XKR6: variants seen among roughly 807,000 people sequenced by gnomAD.
XKR6 encodes XK-related protein 6.
In XKR6, 22 loss-of-function variants were observed where a neutral mutation model predicts 56.7. That is an observed-to-expected ratio of 0.39 (90% CI 0.28 to 0.55). XKR6 has a LOEUF of 0.55. Among genes scored for constraint, XKR6 ranks in the 20% least tolerant of loss-of-function variants. The probability of loss-of-function intolerance (pLI) is 0.66; values close to 1 mark genes in which losing one functional copy is unlikely to be tolerated. For missense variants in XKR6, 852 were observed against 889.0 expected (o/e 0.96, Z 0.53); for synonymous variants, 524 against 387.8 (o/e 1.35, Z -4.13).
intron 1 of XKR6, among the ~76,000 whole-genome samples, chr8:10,941,241 C>G (rs1296016514): frequency 5.3e-5 from 8 of 152,170 alleles, no homozygotes; most frequent in Non-Finnish European, 5.9e-5. Flanking sequence ...CCCAGGCAAC[C>G]CTTCAGCCCT....
intron 1 of XKR6, among the ~76,000 whole-genome samples, chr8:11,033,765 T>C (rs969325663): frequency 4.6e-5 from 7 of 152,168 alleles, no homozygotes; most frequent in South Asian, 4.1e-4. Flanking sequence ...GTGTGAATTA[T>C]GCAGATACCC....
intron 1 of XKR6, among the ~76,000 whole-genome samples, chr8:11,081,163 G>A (rs956840960): frequency 6.6e-6 from 1 of 152,174 alleles, no homozygotes; most frequent in African/African-American, 2.4e-5. Context: ...AGAAAAGTAA[G>A]GATACTTAAG....
At chr8:11,177,022 G>C (rs1041576435) in intron 1 of XKR6, among the ~76,000 whole-genome samples, 2 of 152,198 alleles carry the variant, frequency 1.3e-5, no homozygotes, top group Non-Finnish European at 2.9e-5. Context: ...CCTTGTGCTA[G>C]GGAGGTAGAG....
At chr8:11,151,634 G>A (rs552422270) in intron 1 of XKR6, among the ~76,000 whole-genome samples, 1 of 152,044 alleles carries the variant, frequency 6.6e-6, no homozygotes, top group South Asian at 2.1e-4. Flanking sequence ...CAGAGCAGAT[G>A]AACCCAGAGT....
intron 1 of XKR6, among the ~76,000 whole-genome samples, chr8:11,178,132 G>C (rs1802756613): frequency 6.6e-6 from 1 of 152,110 alleles, no homozygotes. Flanking sequence ...ACCACACCAT[G>C]GAGAAACAGC....
chr8:11,117,870 CAA>C (rs1799255375), intron 1 of XKR6, among the ~76,000 whole-genome samples: 1 of 151,988 alleles, frequency 6.6e-6, no homozygotes, highest in Non-Finnish European at 1.5e-5. Flanking sequence ...TCAAGGAAAA[CAA>C]GACCAATAAA....
chr8:11,093,104 G>A (rs1043220699), intron 1 of XKR6, among the ~76,000 whole-genome samples: 1 of 151,970 alleles, frequency 6.6e-6, no homozygotes, highest in Admixed American at 6.5e-5. Context: ...CAATCAGGCT[G>A]GAGTGCAATG....
At chr8:10,949,150 C>T (rs899396979) in intron 1 of XKR6, among the ~76,000 whole-genome samples, 6 of 152,246 alleles carry the variant, frequency 3.9e-5, no homozygotes, top group African/African-American at 1.4e-4. Context: ...CCGGGGCTGC[C>T]TCTGCAGGGG....
intron 1 of XKR6, chr8:11,124,750 T>C (rs1343664793): frequency 2.0e-5 from 3 of 151,890 alleles, no homozygotes; most frequent in African/African-American, 7.3e-5. Flanking sequence ...GGCTCCATTA[T>C]CTCCAGGGCA....
At chr8:11,171,066 T>C (rs1254974477) in intron 1 of XKR6, among the ~76,000 whole-genome samples, 1 of 152,242 alleles carries the variant, frequency 6.6e-6, no homozygotes, top group African/African-American at 2.4e-5. Flanking sequence ...TGTTTCACCA[T>C]CTTTATATAC....
chr8:10,987,359 T>C (rs983930416), intron 1 of XKR6, among the ~76,000 whole-genome samples: 2 of 152,190 alleles, frequency 1.3e-5, no homozygotes. Flanking sequence ...CAATTTACAG[T>C]TGAGAAAAAT....
chr8:11,052,289 G>A (rs770529660), intron 1 of XKR6, among the ~76,000 whole-genome samples: 2 of 152,126 alleles, frequency 1.3e-5, no homozygotes, highest in African/African-American at 4.8e-5. Context: ...CTTGACTCCC[G>A]AATCTAAAAC....
intron 1 of XKR6, among the ~76,000 whole-genome samples, chr8:10,946,196 C>A (rs1379030474): frequency 6.6e-6 from 1 of 152,096 alleles, no homozygotes. Context: ...TATTTGCACA[C>A]AGGTTGCCCA....
rs114207263 is a variant in XKR6, at chr8:10,994,917, C to T, written c.765-70087G>A. On this transcript the variant is annotated intron_variant, in intron 1 of 2. Transcript: ENST00000416569. ...AACATGTGGATGGGGGAAGAGAAGA[C>T]GGGGATACACAGAAAACACACTTCC... Among the ~76,000 whole-genome samples, 342 of 152,152 alleles carry T rather than the reference C, an allele frequency of 2.2e-3. 1 individual carries two copies. The highest frequency in any genetic ancestry group is 6.6e-3 in the African/African-American group (275 of 41,526).
chr8:10,934,853 A>G (rs1411593425), intron 1 of XKR6, among the ~76,000 whole-genome samples: 1 of 148,504 alleles, frequency 6.7e-6, no homozygotes, highest in African/African-American at 2.5e-5. Context: ...TATTGGTCTA[A>G]AATTCTCTTT....
chr8:11,092,225 ACAACT>A (rs1402118220), intron 1 of XKR6, among the ~76,000 whole-genome samples: 3 of 152,250 alleles, frequency 2.0e-5, no homozygotes, highest in African/African-American at 7.2e-5. Flanking sequence ...AATTCTTCTG[ACAACT>A]CAAGAGTAAG....
intron 1 of XKR6, among the ~76,000 whole-genome samples, chr8:11,157,978 C>T (rs1801605762): frequency 6.6e-6 from 1 of 152,178 alleles, no homozygotes; most frequent in African/African-American, 2.4e-5. Context: ...AAGCAAAAAT[C>T]TGTTGAGTCA....
At chr8:10,909,960 T>C (rs1387196560) in intron 2 of XKR6, among the ~76,000 whole-genome samples, 1 of 152,024 alleles carries the variant, frequency 6.6e-6, no homozygotes, top group Admixed American at 6.6e-5. Context: ...GTCTTTTTAT[T>C]CTGAGGCTTT....
At position 11,156,712 on chromosome 8, in the gene XKR6, T is replaced by C. The variant is rs1801536844; in HGVS notation, c.764+43864A>G. Among the ~76,000 whole-genome samples, 2 of 152,076 alleles carry C rather than the reference T, an allele frequency of 1.3e-5. 1 individual carries two copies. The highest frequency in any genetic ancestry group is 4.1e-4 in the South Asian group (2 of 4,822). Reference sequence around the variant, plus strand: ...CTGCACAGTGGTAAATCAAAATATCTATTTTGGGGTGGGAAGGGGAAAGAC... The same window carrying C: ...CTGCACAGTGGTAAATCAAAATATCCATTTTGGGGTGGGAAGGGGAAAGAC... On this transcript the variant is annotated intron_variant, in intron 1 of 2. Transcript: ENST00000416569.
Sources: allele counts gnomAD v4.1 joint callset (sites outside exome capture counted in the v4.1 genomes callset), GRCh38; gene constraint gnomAD v4.1.1; transcripts MANE v1.5; gene names NCBI Gene and HGNC (gene_info 2026-07-23, HGNC 2026-07-21).